SLC25A17: variants seen among roughly 807,000 people sequenced by gnomAD.
The protein encoded by SLC25A17 is peroxisomal membrane protein PMP34.
SLC25A17 carries 26 observed loss-of-function variants against 38.5 expected under a neutral mutation model. The observed-to-expected ratio is 0.68, with a 90% CI of 0.50 to 0.94. SLC25A17 has a LOEUF of 0.94. Among genes scored for constraint, SLC25A17 ranks in the 40% least tolerant of loss-of-function variants. The probability of loss-of-function intolerance (pLI) is 0.00; values close to 1 mark genes in which losing one functional copy is unlikely to be tolerated. For missense variants in SLC25A17, 333 were observed against 372.7 expected (o/e 0.89, Z 0.88); for synonymous variants, 139 against 136.2 (o/e 1.02, Z -0.14).
intron 4 of SLC25A17, among the ~76,000 whole-genome samples, chr22:40,790,421 A>G (rs1338132529): frequency 6.6e-6 from 1 of 151,534 alleles, no homozygotes; most frequent in Non-Finnish European, 1.5e-5. Context: ...GCTATTTATT[A>G]TATGTGTTAC....
At chr22:40,777,013 A>C (rs895705189) in intron 7 of SLC25A17, 27 bp downstream of exon 7, 1 of 1,586,512 alleles carries the variant, frequency 6.3e-7, no homozygotes, top group Non-Finnish European at 8.7e-7. Context: ...CTGTTTGACT[A>C]AATGCGAAGA....
At chr22:40,776,371 C>G in intron 7 of SLC25A17, 1 of 449,664 alleles carries the variant, frequency 2.2e-6, no homozygotes. Flanking sequence ...TTCATTCCTC[C>G]TGAGTGAACT....
At chr22:40,816,460 T>C (rs1472415173) in intron 1 of SLC25A17, among the ~76,000 whole-genome samples, 2 of 152,106 alleles carry the variant, frequency 1.3e-5, no homozygotes, top group Non-Finnish European at 2.9e-5. Context: ...CATGGCAATG[T>C]TGGGTAGCTG....
chr22:40,812,399 G>C (rs138319), intron 1 of SLC25A17, among the ~76,000 whole-genome samples: 2 of 152,002 alleles, frequency 1.3e-5, no homozygotes, highest in African/African-American at 4.8e-5. Context: ...GTCAAGACTT[G>C]GTCCCCCCAG....
chr22:40,809,973 T>C (rs1054555395), intron 1 of SLC25A17, among the ~76,000 whole-genome samples: 2 of 152,184 alleles, frequency 1.3e-5, no homozygotes, highest in African/African-American at 4.8e-5. Context: ...CTACAATTAA[T>C]GTCTTACAGA....
chr22:40,806,132 C>T (rs138312), intron 1 of SLC25A17, among the ~76,000 whole-genome samples: 71,781 of 151,962 alleles, frequency 0.47, 17,793 homozygotes, highest in Admixed American at 0.64. Context: ...AAACCCATTC[C>T]ACTTTTTTGC....
chr22:40,786,350 A>G (rs2057338268), intron 4 of SLC25A17, among the ~76,000 whole-genome samples: 1 of 151,484 alleles, frequency 6.6e-6, no homozygotes, highest in Non-Finnish European at 1.5e-5. Flanking sequence ...AGATAATTCC[A>G]GAAAGATTTG....
chr22:40,815,287 G>T (rs768956888), intron 1 of SLC25A17, among the ~76,000 whole-genome samples: 4 of 152,198 alleles, frequency 2.6e-5, no homozygotes, highest in Non-Finnish European at 5.9e-5. Flanking sequence ...GGAAAGAGAT[G>T]AAAATTACTG....
intron 4 of SLC25A17, 142 bp from the exon 5 acceptor site, chr22:40,779,267 GCCAGGGTA>G (rs1296069204): frequency 2.0e-6 from 3 of 1,516,900 alleles, no homozygotes; most frequent in Non-Finnish European, 2.6e-6. Context: ...GTCTCTTTGT[GCCAGGGTA>G]CAACACAAGC....
intron 2 of SLC25A17, among the ~76,000 whole-genome samples, chr22:40,795,033 G>A (rs765308435): frequency 1.6e-4 from 24 of 152,054 alleles, no homozygotes; most frequent in Non-Finnish European, 2.8e-4. Context: ...GATTACAGGC[G>A]TGAGCCACCA....
intron 4 of SLC25A17, chr22:40,779,539 C>T (rs1041688493): frequency 6.0e-6 from 2 of 334,740 alleles, no homozygotes; most frequent in African/African-American, 4.1e-5. Flanking sequence ...CAATTTACAA[C>T]TCTTACTTAA....
chr22:40,819,065 C>T, intron 1 of SLC25A17, 130 bp downstream of exon 1: 2 of 978,858 alleles, frequency 2.0e-6, no homozygotes, highest in South Asian at 1.4e-5. Context: ...CCTCTCTGCC[C>T]CACAGTCATG....
intron 4 of SLC25A17, among the ~76,000 whole-genome samples, chr22:40,787,656 T>TA (rs754141448): frequency 3.9e-5 from 6 of 152,130 alleles, no homozygotes; most frequent in Non-Finnish European, 7.3e-5. Context: ...AAAACAGACT[T>TA]AGAGTTTCAG....
chr22:40,818,429 A>G (rs1207464785), intron 1 of SLC25A17, among the ~76,000 whole-genome samples: 8 of 152,150 alleles, frequency 5.3e-5, no homozygotes, highest in Admixed American at 4.6e-4. Context: ...AGAAAGAAAG[A>G]AAAAAAAGCC....
intron 1 of SLC25A17, among the ~76,000 whole-genome samples, chr22:40,804,668 G>A (rs1602621682): frequency 6.6e-6 from 1 of 152,142 alleles, no homozygotes; most frequent in Non-Finnish European, 1.5e-5. Flanking sequence ...TTCTCCTATT[G>A]TATAGGTTGT....
At chr22:40,782,624 T>C (rs954630836) in intron 4 of SLC25A17, among the ~76,000 whole-genome samples, 2 of 152,114 alleles carry the variant, frequency 1.3e-5, no homozygotes, top group Non-Finnish European at 2.9e-5. Flanking sequence ...GCAATGACCA[T>C]GGATATAAGA....
rs1297997657 is a variant in SLC25A17, at chr22:40,769,980, A to C, written c.*854T>G. 1.3e-5 allele frequency: 2 copies of C among 152,156 alleles called. No homozygotes were observed. The highest frequency in any genetic ancestry group is 2.9e-5 in the Non-Finnish European group (2 of 68,022). The allele number at this position is 152,156 out of a possible 1,614,324, so 9.4% of individuals were successfully genotyped here. On this transcript the variant is annotated 3_prime_UTR_variant, in exon 9 of 9. Transcript: ENST00000435456. Reference sequence around the variant, plus strand: ...GTTTATAAAGGGAGATAATATCCAGACCTCAACAAGATATCTGCTCCCCTT... The same window carrying C: ...GTTTATAAAGGGAGATAATATCCAGCCCTCAACAAGATATCTGCTCCCCTT...
At chr22:40,783,030 TACTC>T (rs1216330922) in intron 4 of SLC25A17, among the ~76,000 whole-genome samples, 6 of 152,178 alleles carry the variant, frequency 3.9e-5, no homozygotes, top group African/African-American at 9.7e-5. Flanking sequence ...GTGATTATAA[TACTC>T]ACAGCAGGAA....
chr22:40,793,505 A>G (rs1045139350), intron 3 of SLC25A17, among the ~76,000 whole-genome samples: 2 of 152,208 alleles, frequency 1.3e-5, no homozygotes, highest in East Asian at 3.8e-4. Context: ...AAGATGTGAT[A>G]TCTTGAGAAG....
Sources: gnomAD v4.1 joint callset for allele counts (sites outside exome capture counted in the v4.1 genomes callset) on GRCh38, gnomAD v4.1.1 for gene constraint, MANE v1.5 for transcripts, NCBI Gene and HGNC (gene_info 2026-07-23, HGNC 2026-07-21) for gene names.